RPS19: variants seen among roughly 807,000 people sequenced by gnomAD.
RPS19 encodes the protein ribosomal protein S19, also known as small ribosomal subunit protein eS19.
A neutral mutation model predicts 20.3 loss-of-function variants in RPS19; 1 was observed. That is an observed-to-expected ratio of 0.05 (90% confidence interval 0.02 to 0.23). RPS19 has a LOEUF of 0.23. Among genes scored for constraint, RPS19 ranks in the 10% least tolerant of loss-of-function variants. RPS19 has a pLI of 1.00. For missense variants in RPS19, 111 were observed against 192.7 expected, an observed-to-expected ratio of 0.58 and a Z score of 2.51; for synonymous variants, 87 against 74.8, an observed-to-expected ratio of 1.16 and a Z score of -0.84.
At chr19:41,866,024 C>T (rs2074084497) in intron 3 of RPS19, among the ~76,000 whole-genome samples, 3 of 149,226 alleles carry the variant, frequency 2.0e-5, no homozygotes, top group Non-Finnish European at 4.4e-5. Context: ...GAGGCCGAGG[C>T]GGGCGGATCA....
In RPS19 at chr19:41,869,229, G is replaced by C; in HGVS notation, c.356+15G>C. 6.2e-7 allele frequency: 1 copy of C among 1,610,108 alleles called. No individual in the cohort carries two copies. The highest frequency in any genetic ancestry group is 8.5e-7 in the Non-Finnish European group (1 of 1,177,724). On this transcript the variant is annotated intron_variant, in intron 4 of 5. Coordinates refer to ENST00000598742, the MANE Select transcript of RPS19 (RefSeq NM_001022.4). The stretch of plus-strand genomic sequence containing the variant: ...GACCAAGATGGGTAAGCAGGGTAGA[G>C]GGGGCTGCATTGATGGAGTAGCCTT...
chr19:41,865,019 GC>G (rs2074070264), intron 3 of RPS19: 1 of 152,200 alleles, frequency 6.6e-6, no homozygotes, highest in Non-Finnish European at 1.5e-5. Flanking sequence ...AACTGGGATA[GC>G]AAGGGAGGAG....
intron 2 of RPS19, 100 bp downstream of exon 2, chr19:41,860,945 T>C (rs781839899): frequency 6.6e-6 from 8 of 1,218,124 alleles, no homozygotes; most frequent in Middle Eastern, 2.7e-4. Flanking sequence ...CGAGGCTTGT[T>C]TGGGGCCTCC....
intron 3 of RPS19, among the ~76,000 whole-genome samples, chr19:41,866,702 C>T (rs1555840768): frequency 6.6e-6 from 1 of 152,170 alleles, no homozygotes; most frequent in African/African-American, 2.4e-5. Context: ...GATGCTCACC[C>T]TTACTATAAA....
At chr19:41,861,242 T>C (rs1316065658) in intron 3 of RPS19, 30 bp downstream of exon 3, 2 of 1,524,004 alleles carry the variant, frequency 1.3e-6, no homozygotes, top group African/African-American at 1.4e-5. Flanking sequence ...GGCTGGAGAG[T>C]GGGGAGCTGG....
chr19:41,866,843 C>T (rs1356141485), intron 3 of RPS19, among the ~76,000 whole-genome samples: 3 of 151,572 alleles, frequency 2.0e-5, no homozygotes, highest in Admixed American at 6.6e-5. Flanking sequence ...GGTGAAACCC[C>T]GTCTCTACTA....
In RPS19 at chr19:41,870,849, C is replaced by CTTTTTTTTTTTTT. The variant is rs35987051; in HGVS notation, c.412-483_412-471dup. On this transcript the variant is annotated intron_variant, in intron 5 of 5. Coordinates refer to ENST00000598742, the MANE Select transcript of RPS19 (RefSeq NM_001022.4). The stretch of plus-strand genomic sequence containing the variant: ...TGGACTCCACTCCGCCACTCCCTTC[C>CTTTTTTTTTTTTT]TTTTTTTTTTTTTTTTTTTTTTTTT... 3.9e-4 allele frequency among the ~76,000 whole-genome samples: 17 copies of CTTTTTTTTTTTTT among 44,024 alleles called. 1 individual carries two copies. Among genetic ancestry groups the CTTTTTTTTTTTTT allele is most frequent in the African/African-American group, 1.1e-3 (12 of 10,860 alleles). 28.9% of individuals were successfully genotyped at this position (44,024 alleles called of 152,430 possible). A position where few individuals can be genotyped will look rare whatever the true frequency, so the allele number is the denominator to read the frequency against.
intron 3 of RPS19, among the ~76,000 whole-genome samples, chr19:41,863,590 G>A (rs933268899): frequency 2.0e-5 from 3 of 152,182 alleles, no homozygotes; most frequent in Non-Finnish European, 2.9e-5. Flanking sequence ...AGACCTATAG[G>A]AATGAGTGTG....
At chr19:41,867,324 G>A (rs2074101038) in intron 3 of RPS19, among the ~76,000 whole-genome samples, 1 of 151,732 alleles carries the variant, frequency 6.6e-6, no homozygotes, top group Admixed American at 6.6e-5. Flanking sequence ...TTACTTTTGA[G>A]ACAGAGTCTC....
At chr19:41,866,820 T>C (rs776232140) in intron 3 of RPS19, among the ~76,000 whole-genome samples, 52 of 148,892 alleles carry the variant, frequency 3.5e-4, no homozygotes, top group Non-Finnish European at 6.5e-4. Context: ...ATTGAGACCA[T>C]CCTCGCTAAC....
At chr19:41,869,669 G>A (rs2074126043) in intron 4 of RPS19, 30 bp from the exon 5 acceptor site, 3 of 1,611,454 alleles carry the variant, frequency 1.9e-6, no homozygotes, top group Non-Finnish European at 2.5e-6. Context: ...TGTGCTCACT[G>A]GGGCCTGCAT....
At chr19:41,870,139 G>T (rs868963752) in intron 5 of RPS19, among the ~76,000 whole-genome samples, 9 of 152,052 alleles carry the variant, frequency 5.9e-5, no homozygotes, top group Admixed American at 2.0e-4. Flanking sequence ...CTACTGGGGA[G>T]GCTGAGGCAC....
intron 3 of RPS19, among the ~76,000 whole-genome samples, chr19:41,868,333 G>T (rs1240365547): frequency 6.6e-6 from 1 of 152,216 alleles, no homozygotes; most frequent in Admixed American, 6.5e-5. Context: ...TTAAAGGAGA[G>T]TAGCACTTGA....
At chr19:41,863,688 G>A (rs1415888034) in intron 3 of RPS19, among the ~76,000 whole-genome samples, 1 of 152,054 alleles carries the variant, frequency 6.6e-6, no homozygotes, top group Non-Finnish European at 1.5e-5. Context: ...TGGAAATGGA[G>A]CAGAGCTGTA....
At position 41,872,050 on chromosome 19, in the gene RPS19, G is replaced by GAGTGGC. The variant is rs1218382389; in HGVS notation, c.*682_*687dup. On this transcript the variant is annotated 3_prime_UTR_variant, in exon 6 of 6. Transcript: ENST00000598742. ...GCATCTGAGCGGTCTTGGGCCCGCT[G>GAGTGGC]AGTGGCAGTGGCAGGAAGTCGGTGG... The GAGTGGC allele has an allele frequency of 6.6e-6, 1 of 152,604 alleles. No homozygotes were observed. The highest frequency in any genetic ancestry group is 2.4e-5 in the African/African-American group (1 of 41,602). The allele number at this position is 152,604 out of a possible 1,614,324, so 9.5% of individuals were successfully genotyped here.
chr19:41,867,127 C>T (rs1300581444), intron 3 of RPS19, among the ~76,000 whole-genome samples: 1 of 151,950 alleles, frequency 6.6e-6, no homozygotes, highest in Non-Finnish European at 1.5e-5. Flanking sequence ...GCCAGAGCAA[C>T]ATGGCAAAAC....
chr19:41,869,816 C>T, intron 5 of RPS19, 63 bp downstream of exon 5: 1 of 1,550,340 alleles, frequency 6.5e-7, no homozygotes, highest in Non-Finnish European at 8.9e-7. Context: ...TTCCAAAGCC[C>T]ATACTTTGTC....
At chr19:41,863,836 G>C (rs1231959753) in intron 3 of RPS19, 1 of 144,934 alleles carries the variant, frequency 6.9e-6, no homozygotes, top group African/African-American at 2.5e-5. Context: ...TGTAGCCCCG[G>C]ACAGGCTTTT....
chr19:41,860,430 GGCCCGGACAT>G lies in RPS19; in HGVS notation c.-1+148_-1+157del. The G allele has an allele frequency of 1.0e-5, 3 of 293,954 alleles. No individual in the cohort carries two copies. In the South Asian group the frequency reaches 1.1e-4, roughly 11 times the overall value. The allele number at this position is 293,954 out of a possible 1,614,324, so 18.2% of individuals were successfully genotyped here. ...GAGCCGCGGCCACGTGCGAGCGGCA[GGCCCGGACAT>G]GCCCGGTCAGCGCCGTCCGGGAACC... On this transcript the variant is annotated intron_variant, in intron 1 of 5. Transcript: ENST00000598742.
Sources: allele counts gnomAD v4.1 joint callset (sites outside exome capture counted in the v4.1 genomes callset), GRCh38; gene constraint gnomAD v4.1.1; transcripts MANE v1.5; gene names NCBI Gene and HGNC (gene_info 2026-07-23, HGNC 2026-07-21).